Variants in SHROOM3 observed in about 807,000 individuals in gnomAD.
SHROOM3 encodes the protein protein Shroom3.
Under a neutral mutation model 138.6 loss-of-function variants are expected in SHROOM3, and 47 were observed. The ratio of observed to expected loss-of-function variants is 0.34; its 90% CI spans 0.27 to 0.43. The LOEUF (loss-of-function observed/expected upper bound fraction) is 0.43. Ranked by LOEUF, SHROOM3 falls within the 20% of genes least tolerant of loss-of-function variation. The pLI is 1.00. For synonymous variants in SHROOM3, 1,062 were observed against 1,063.3 expected (o/e 1.00, Z 0.02); for missense variants, 2,491 against 2,596.5 (o/e 0.96, Z 0.88).
At chr4:76,625,888 T>C (rs1481663864) in intron 2 of SHROOM3, among the ~76,000 whole-genome samples, 19 of 152,266 alleles carry the variant, frequency 1.2e-4, no homozygotes, top group Non-Finnish European at 4.4e-5. Context: ...CTCACTATTA[T>C]ACTTAGAGCC....
intron 1 of SHROOM3, among the ~76,000 whole-genome samples, chr4:76,554,696 A>C (rs1733442874): frequency 6.6e-6 from 1 of 152,166 alleles, no homozygotes; most frequent in African/African-American, 2.4e-5. Flanking sequence ...CTGGGATTAC[A>C]GGCATGAGCC....
chr4:76,639,647 G>A (rs2110079792), intron 2 of SHROOM3: 1 of 398,524 alleles, frequency 2.5e-6, no homozygotes, highest in African/African-American at 2.1e-5. Context: ...AAACATGTAA[G>A]TGAGGGCTTC....
intron 1 of SHROOM3, among the ~76,000 whole-genome samples, chr4:76,457,471 T>C (rs1195067052): frequency 6.6e-6 from 1 of 151,790 alleles, no homozygotes; most frequent in Admixed American, 6.6e-5. Context: ...GAACCGTGAG[T>C]CAACTAAACC....
intron 1 of SHROOM3, among the ~76,000 whole-genome samples, chr4:76,532,481 G>C (rs755795772): frequency 6.6e-6 from 1 of 152,168 alleles, no homozygotes; most frequent in Non-Finnish European, 1.5e-5. Flanking sequence ...CTGATCCACA[G>C]GGGAGACATT....
At chr4:76,649,104 C>T (rs1028340309) in intron 2 of SHROOM3, among the ~76,000 whole-genome samples, 1 of 152,116 alleles carries the variant, frequency 6.6e-6, no homozygotes, top group Non-Finnish European at 1.5e-5. Flanking sequence ...CACATGCCAC[C>T]GGCTAGCTAG....
chr4:76,672,766 G>T (rs1430754321), intron 2 of SHROOM3, among the ~76,000 whole-genome samples: 2 of 152,096 alleles, frequency 1.3e-5, no homozygotes, highest in Admixed American at 6.6e-5. Context: ...TAAAGACAGG[G>T]TTTCACCATG....
At chr4:76,699,969 TG>T in intron 2 of SHROOM3, among the ~76,000 whole-genome samples, 1 of 152,150 alleles carries the variant, frequency 6.6e-6, no homozygotes, top group Non-Finnish European at 1.5e-5. Context: ...AGCTGTACTC[TG>T]GGAAGACAGT....
chr4:76,637,015 G>A (rs1237340111), intron 2 of SHROOM3, among the ~76,000 whole-genome samples: 2 of 152,160 alleles, frequency 1.3e-5, no homozygotes, highest in Non-Finnish European at 2.9e-5. Flanking sequence ...TTTAACTCTT[G>A]TTTCTATCAA....
chr4:76,513,062 C>T (rs1403812909), intron 1 of SHROOM3, among the ~76,000 whole-genome samples: 3 of 152,186 alleles, frequency 2.0e-5, no homozygotes, highest in Non-Finnish European at 2.9e-5. Context: ...AGATGCAGGG[C>T]TTCCAGCTTC....
intron 5 of SHROOM3, 94 bp downstream of exon 5, chr4:76,742,020 TC>T: frequency 6.8e-7 from 1 of 1,480,812 alleles, no homozygotes; most frequent in Non-Finnish European, 9.2e-7. Flanking sequence ...TCACCCGCTC[TC>T]CCAGTTCAGT....
chr4:76,586,577 T>C, intron 2 of SHROOM3: 1 of 693,452 alleles, frequency 1.4e-6, no homozygotes, highest in Non-Finnish European at 1.8e-6. Flanking sequence ...GGGAAGTTGT[T>C]CAAGTTAGGC....
chr4:76,557,454 G>A (rs554676734), intron 2 of SHROOM3, among the ~76,000 whole-genome samples: 14 of 152,288 alleles, frequency 9.2e-5, no homozygotes, highest in South Asian at 2.1e-4. Context: ...GTTTGCCAGG[G>A]ACTGGGGCAC....
chr4:76,701,470 A>T (rs1719899746), intron 2 of SHROOM3, among the ~76,000 whole-genome samples: 1 of 152,226 alleles, frequency 6.6e-6, no homozygotes, highest in African/African-American at 2.4e-5. Flanking sequence ...CTGTCTCTGC[A>T]TCTGTTAAAT....
chr4:76,763,279 C>T (rs1578029033), intron 9 of SHROOM3, among the ~76,000 whole-genome samples: 1 of 151,768 alleles, frequency 6.6e-6, no homozygotes, highest in Non-Finnish European at 1.5e-5. Context: ...CCCAGCTACT[C>T]GGAAGGCTGA....
chr4:76,682,146 C>G (rs1415252665), intron 2 of SHROOM3, among the ~76,000 whole-genome samples: 4 of 152,094 alleles, frequency 2.6e-5, no homozygotes, highest in Non-Finnish European at 1.5e-5. Flanking sequence ...ACATGCATTC[C>G]TTTGTTCTAT....
Position 76,741,843 on chromosome 4 carries a change from G to A in SHROOM3, c.3670G>A (p.Asp1224Asn). 6.2e-7 allele frequency: 1 copy of A among 1,606,342 alleles called. No individual in the cohort carries two copies. The highest frequency in any genetic ancestry group is 8.5e-7 in the Non-Finnish European group (1 of 1,177,456). ...GGCCGGGAAGTCCATGTCGGCCGAGGACCTGCTGGAACGCTCGGACGTCCT... is the reference window on the plus strand; with the variant it reads ...GGCCGGGAAGTCCATGTCGGCCGAGAACCTGCTGGAACGCTCGGACGTCCT... Reference protein sequence around the residue: ...ARAGKSMSAEDLLERSDVLAG... With the variant: ...ARAGKSMSAENLLERSDVLAG... The change falls in exon 5 of 11, where the codon GAC becomes AAC. Residue 1224 changes from aspartate to asparagine, a missense_variant. Asp to Asn is a conservative substitution (Grantham distance 23). Around this residue, in one of 4 missense-constraint regions of SHROOM3, gnomAD observed 1,733 missense variants for 1,661.6 expected, o/e 1.04. Transcript: ENST00000296043. This position sits in a 1 kb window ranked among gnomAD's most constrained non-coding sequence, Gnocchi z 6.2.
At position 76,608,743 on chromosome 4, in the gene SHROOM3, T is replaced by TAGCATAGCATAGCAC. The variant is rs1270655131; in HGVS notation, c.323+52984_323+52985insTAGCATAGCACAGCA. ...CAGCACAGCACAGCATAGCATAGCA[T>TAGCATAGCATAGCAC]AGCACAGTGTCAGGTTAGAAGGCCT... is the stretch of plus-strand genomic sequence containing the variant. On this transcript the variant is annotated intron_variant, in intron 2 of 10. Transcript: ENST00000296043. Among the ~76,000 whole-genome samples, 153 of 130,496 alleles carry TAGCATAGCATAGCAC rather than the reference T, an allele frequency of 1.2e-3. 20 individuals carry two copies. The highest frequency in any genetic ancestry group is 7.4e-3 in the Middle Eastern group (2 of 272). 85.6% of individuals were successfully genotyped at this position (130,496 alleles called of 152,430 possible). A position where few individuals can be genotyped will look rare whatever the true frequency, so the allele number is the denominator to read the frequency against.
chr4:76,490,625 G>T (rs1307352702), intron 1 of SHROOM3, among the ~76,000 whole-genome samples: 1 of 152,110 alleles, frequency 6.6e-6, no homozygotes, highest in Non-Finnish European at 1.5e-5. Flanking sequence ...TAGGAAGTTG[G>T]CGTGAAACAG....
intron 2 of SHROOM3, among the ~76,000 whole-genome samples, chr4:76,608,249 C>T (rs915840437): frequency 1.3e-5 from 2 of 152,204 alleles, no homozygotes; most frequent in East Asian, 1.9e-4. Flanking sequence ...CTCGAGGGAG[C>T]GCATTCGTTC....
Sources: gnomAD v4.1 joint callset for allele counts (sites outside exome capture counted in the v4.1 genomes callset) on GRCh38, gnomAD v4.1.1 for gene constraint, gnomAD v4.1.1 regional missense constraint, Gnocchi (gnomAD v3.1) non-coding constraint, MANE v1.5 for transcripts, NCBI Gene and HGNC (gene_info 2026-07-23, HGNC 2026-07-21) for gene names.